Variants in GAREM1 observed in about 807,000 individuals in gnomAD.
The protein encoded by GAREM1 is GRB2-associated and regulator of MAPK protein 1.
A neutral mutation model predicts 71.3 loss-of-function variants in GAREM1; 26 were observed. The observed-to-expected ratio is 0.36, with a 90% CI of 0.27 to 0.51. The LOEUF is 0.51. GAREM1 is among the 20% of genes least tolerant of loss of function. The probability of loss-of-function intolerance (pLI) is 0.95; values close to 1 mark genes in which losing one functional copy is unlikely to be tolerated. For missense variants in GAREM1, 1,026 were observed against 1,103.1 expected (o/e 0.93, Z 0.99); for synonymous variants, 440 against 433.2 (o/e 1.02, Z -0.20).
chr18:32,287,559 C>T lies in GAREM1; in HGVS notation c.1038G>A (p.Val346=). The T allele has an allele frequency of 1.9e-6, 3 of 1,614,194 alleles. No homozygotes were observed. Among genetic ancestry groups the T allele is most frequent in the Non-Finnish European group, 2.5e-6 (3 of 1,180,044 alleles). ...TGCATTCTTCATTCCAGTCGGTTTT[C>T]ACATCACGGACAGCCCGTGAATACT... The part of the protein sequence containing the change: ...IDEYSRAVRD[V]KTDWNEECKS... The change falls in exon 4 of 6, where the codon GTG becomes GTA. Residue 346 remains valine, a synonymous_variant. Coordinates refer to ENST00000269209, the MANE Select transcript of GAREM1 (RefSeq NM_001242409.2). This position sits in a 1 kb window ranked among gnomAD's most constrained non-coding sequence, Gnocchi z 5.9.
In GAREM1 at chr18:32,415,289, A is replaced by C. The variant is rs535397378; in HGVS notation, c.122-22254T>G. The stretch of plus-strand genomic sequence containing the variant: ...CTAACAAGCATTTAAAGAAAAACTA[A>C]TACCAATCATACTCAAACTGTTCTG... On this transcript the variant is annotated intron_variant, in intron 1 of 5. Transcript: ENST00000269209. Among the ~76,000 whole-genome samples the C allele has an allele frequency of 1.2e-4, 18 of 152,232 alleles. No individual in the cohort carries two copies. The East Asian group carries it at 3.5e-3, about 29-fold the overall frequency.
chr18:32,277,122 A>G (rs2041553775), intron 4 of GAREM1, among the ~76,000 whole-genome samples: 1 of 152,342 alleles, frequency 6.6e-6, no homozygotes, highest in Non-Finnish European at 1.5e-5. Flanking sequence ...GGGCAGAGCC[A>G]GACTCTAGTG....
chr18:32,428,543 C>G (rs1285023256), intron 1 of GAREM1, among the ~76,000 whole-genome samples: 3 of 152,184 alleles, frequency 2.0e-5, no homozygotes, highest in Non-Finnish European at 1.5e-5. Context: ...ATGTGAGGTA[C>G]CTCACTACCC....
chr18:32,356,184 A>G (rs1161570073), intron 2 of GAREM1, among the ~76,000 whole-genome samples: 1 of 149,618 alleles, frequency 6.7e-6, no homozygotes, highest in Non-Finnish European at 1.5e-5. Flanking sequence ...AAAAAAGTTA[A>G]AGTCTCCAAA....
chr18:32,352,785 T>C (rs1385202359), intron 2 of GAREM1, among the ~76,000 whole-genome samples: 1 of 151,738 alleles, frequency 6.6e-6, no homozygotes, highest in Non-Finnish European at 1.5e-5. Context: ...GGAAGAAGGG[T>C]TTAAGGAGGA....
intron 2 of GAREM1, among the ~76,000 whole-genome samples, chr18:32,346,282 A>G (rs2047696051): frequency 1.3e-5 from 2 of 152,238 alleles, no homozygotes; most frequent in African/African-American, 4.8e-5. Context: ...AACATAACTG[A>G]AAAAGGCAAA....
At chr18:32,432,774 A>C (rs921076256) in intron 1 of GAREM1, among the ~76,000 whole-genome samples, 6 of 152,178 alleles carry the variant, frequency 3.9e-5, no homozygotes, top group Non-Finnish European at 8.8e-5. Flanking sequence ...GTCTCCTATT[A>C]ATGAAATTAA....
intron 2 of GAREM1, among the ~76,000 whole-genome samples, chr18:32,324,605 G>A (rs1292781104): frequency 2.6e-5 from 4 of 152,218 alleles, no homozygotes; most frequent in African/African-American, 9.6e-5. Flanking sequence ...AAGAGGATAG[G>A]AGGACAGTCC....
At position 32,267,633 on chromosome 18, in the gene GAREM1, G is replaced by A; in HGVS notation, c.*238C>T. The A allele has an allele frequency of 2.5e-6, 1 of 396,078 alleles. No homozygotes were observed. Among genetic ancestry groups the A allele is most frequent in the Non-Finnish European group, 4.5e-6 (1 of 224,286 alleles). 24.5% of individuals were successfully genotyped at this position (396,078 alleles called of 1,614,324 possible). A position where few individuals can be genotyped will look rare whatever the true frequency, so the allele number is the denominator to read the frequency against. On this transcript the variant is annotated 3_prime_UTR_variant, in exon 6 of 6. Coordinates refer to ENST00000269209, the MANE Select transcript of GAREM1 (RefSeq NM_001242409.2). ...CATGCCTTTTTTTCTTTTAGCAGCT[G>A]CTGAGTGTTTGTTGAGTGACGTACA...
At chr18:32,295,581 G>A (rs2047131887) in intron 3 of GAREM1, among the ~76,000 whole-genome samples, 1 of 152,144 alleles carries the variant, frequency 6.6e-6, no homozygotes, top group African/African-American at 2.4e-5. Flanking sequence ...AGAAAACTAG[G>A]AAGAGCAACC....
intron 2 of GAREM1, among the ~76,000 whole-genome samples, chr18:32,338,780 G>A (rs1368913956): frequency 2.6e-5 from 4 of 152,196 alleles, no homozygotes; most frequent in African/African-American, 9.7e-5. Flanking sequence ...GATGGTTAAT[G>A]TTGTGTCAAC....
Position 32,265,662 on chromosome 18 carries a change from A to G in GAREM1, c.*2209T>C, listed in dbSNP as rs1219394233. 1 of 152,174 alleles carries G rather than the reference A, an allele frequency of 6.6e-6. No homozygotes were observed. The allele number at this position is 152,174 out of a possible 1,614,324, so 9.4% of individuals were successfully genotyped here. On this transcript the variant is annotated 3_prime_UTR_variant, in exon 6 of 6. Transcript: ENST00000269209. The stretch of plus-strand genomic sequence containing the variant: ...AATACACCAAGTCCAAAACAAGCAA[A>G]AAGAATTTAAAACCCTATTTTGTGT...
intron 2 of GAREM1, among the ~76,000 whole-genome samples, chr18:32,378,562 CAT>C (rs2048063161): frequency 6.7e-6 from 1 of 149,920 alleles, no homozygotes; most frequent in African/African-American, 2.5e-5. Context: ...CTTGGGAAAA[CAT>C]AGAAGACCTT....
intron 2 of GAREM1, among the ~76,000 whole-genome samples, chr18:32,339,748 CAAATGAA>C (rs1338274901): frequency 6.6e-6 from 1 of 152,198 alleles, no homozygotes; most frequent in African/African-American, 2.4e-5. Flanking sequence ...CTTAACTTCC[CAAATGAA>C]AGTCAAAATC....
At chr18:32,421,199 T>C (rs532809052) in intron 1 of GAREM1, among the ~76,000 whole-genome samples, 1 of 152,290 alleles carries the variant, frequency 6.6e-6, no homozygotes, top group South Asian at 2.1e-4. Flanking sequence ...ATAATAATAG[T>C]GTCTACTTTG....
rs1021052413 is a variant in GAREM1 at position 32,412,045 on chromosome 18, G to A, written c.122-19010C>T. The A allele has an allele frequency of 8.7e-6, 6 of 688,670 alleles. No homozygotes were observed. In the African/African-American group the frequency reaches 8.8e-5, roughly 10 times the overall value. The allele number at this position is 688,670 out of a possible 1,614,324, so 42.7% of individuals were successfully genotyped here. A position where few individuals can be genotyped will look rare whatever the true frequency, so the allele number is the denominator to read the frequency against. On this transcript the variant is annotated intron_variant, in intron 1 of 5. Coordinates refer to ENST00000269209, the MANE Select transcript of GAREM1 (RefSeq NM_001242409.2). The stretch of plus-strand genomic sequence containing the variant: ...TGTTATACAATTAGTCACAAACACA[G>A]TCCTCGAGTTTTTTGCCCATACACA...
At chr18:32,317,310 CAGA>C (rs1244418780) in intron 2 of GAREM1, among the ~76,000 whole-genome samples, 1 of 146,614 alleles carries the variant, frequency 6.8e-6, no homozygotes, top group Non-Finnish European at 1.5e-5. Context: ...GAGGCTGAGG[CAGA>C]AGAATTGCTT....
At chr18:32,330,804 T>C (rs1332433903) in intron 2 of GAREM1, among the ~76,000 whole-genome samples, 1 of 152,158 alleles carries the variant, frequency 6.6e-6, no homozygotes, top group Non-Finnish European at 1.5e-5. Flanking sequence ...AACATTTATT[T>C]AATATATCAG....
Position 32,267,832 on chromosome 18 carries a change from T to G in GAREM1, c.*39A>C. ...CAGCCCACCCCTTCTAGCACACGCATTGATCAGTTTTGTTCCATGCTGGCC... is the reference window on the plus strand; with the variant it reads ...CAGCCCACCCCTTCTAGCACACGCAGTGATCAGTTTTGTTCCATGCTGGCC... On this transcript the variant is annotated 3_prime_UTR_variant, in exon 6 of 6. Coordinates refer to ENST00000269209, the MANE Select transcript of GAREM1 (RefSeq NM_001242409.2). 1.3e-6 allele frequency: 2 copies of G among 1,530,710 alleles called. No individual in the cohort carries two copies. Among genetic ancestry groups the G allele is most frequent in the Non-Finnish European group, 1.8e-6 (2 of 1,121,346 alleles). The allele number at this position is 1,530,710 out of a possible 1,614,324, so 94.8% of individuals were successfully genotyped here. A position where few individuals can be genotyped will look rare whatever the true frequency, so the allele number is the denominator to read the frequency against.
Sources: gnomAD v4.1 joint callset for allele counts (sites outside exome capture counted in the v4.1 genomes callset) on GRCh38, gnomAD v4.1.1 for gene constraint, Gnocchi (gnomAD v3.1) non-coding constraint, MANE v1.5 for transcripts, NCBI Gene and HGNC (gene_info 2026-07-23, HGNC 2026-07-21) for gene names.